BRME1: variants seen among roughly 807,000 people sequenced by gnomAD.
BRME1 encodes break repair meiotic recombinase recruitment factor 1, also known as BRCA2 and MEILB2-associating protein 1.
Under a neutral mutation model 52.6 loss-of-function variants are expected in BRME1, and 31 were observed. That is an observed-to-expected ratio of 0.59 (90% CI 0.44 to 0.80). The LOEUF (loss-of-function observed/expected upper bound fraction) is 0.80. BRME1 is among the 30% of genes least tolerant of loss of function. BRME1 has a pLI of 0.00. For synonymous variants in BRME1, 359 were observed against 353.6 expected, an observed-to-expected ratio of 1.02 and a Z score of -0.17; for missense variants, 804 against 860.3, an observed-to-expected ratio of 0.93 and a Z score of 0.82.
chr19:13,901,551 T>C lies in BRME1; in HGVS notation c.31+3311A>G, dbSNP rs535888970. Among the ~76,000 whole-genome samples, 33 of 151,668 alleles carry C rather than the reference T, an allele frequency of 2.2e-4. No individual in the cohort carries two copies. In the South Asian group the frequency reaches 6.7e-3, roughly 31 times the overall value. ...CCGTCTCTACTAAAAATGCAAAAAT[T>C]TGCCAGGCATGGTGGCAGGTACCTG... On this transcript the variant is annotated intron_variant, in intron 2 of 8. Coordinates refer to ENST00000586783, the MANE Select transcript of BRME1 (RefSeq NM_001345843.2).
Position 13,889,935 on chromosome 19 carries a change from G to T in BRME1, c.921C>A (p.Gly307=). Residue 307 remains glycine, a synonymous_variant, in exon 6 of 9, where the codon GGC becomes GGA. Coordinates refer to ENST00000586783, the MANE Select transcript of BRME1 (RefSeq NM_001345843.2). ...TGGGGGTCTGCTGGGGGTCAGGGGA[G>T]CCCTGGGCCACAGACCCGGGTTCCA... ...WCLEPGSVAQ[G]SPDPQQTPSR... The T allele has an allele frequency of 1.2e-6, 2 of 1,612,588 alleles. No homozygotes were observed. Among genetic ancestry groups the T allele is most frequent in the Non-Finnish European group, 8.5e-7 (1 of 1,179,952 alleles).
Position 13,890,340 on chromosome 19 carries a change from A to C in BRME1, c.516T>G (p.Pro172=), listed in dbSNP as rs747000381. Residue 172 remains proline, a synonymous_variant, in exon 6 of 9, where the codon CCT becomes CCG. Coordinates refer to ENST00000586783, the MANE Select transcript of BRME1 (RefSeq NM_001345843.2). ...GCACAGGGCTCTGGCTGCTCTGCTC[A>C]GGGCGGGCACTGTCTGCCTGCGTTG... ...GDPTQADSAR[P]EQSSQSPVQA... The C allele has an allele frequency of 6.3e-7, 1 of 1,593,046 alleles. No homozygotes were observed. Among genetic ancestry groups the C allele is most frequent in the Admixed American group, 1.7e-5 (1 of 57,916 alleles).
In BRME1 at chr19:13,882,727, C is replaced by T. The variant is rs1968718075; in HGVS notation, c.*75G>A. Reference sequence around the variant, plus strand: ...GGGAGGTTTGTAGGGTCCACTAGGACCCCCTGGAGCATCTTGGAGGAGGTC... The same window carrying T: ...GGGAGGTTTGTAGGGTCCACTAGGATCCCCTGGAGCATCTTGGAGGAGGTC... On this transcript the variant is annotated 3_prime_UTR_variant, in exon 9 of 9. Coordinates refer to ENST00000586783, the MANE Select transcript of BRME1 (RefSeq NM_001345843.2). 2.5e-6 allele frequency: 4 copies of T among 1,582,188 alleles called. No homozygotes were observed. In the Middle Eastern group the frequency reaches 5.8e-4, roughly 228 times the overall value.
intron 2 of BRME1, among the ~76,000 whole-genome samples, chr19:13,900,373 C>T (rs1389369829): frequency 2.0e-5 from 3 of 152,134 alleles, no homozygotes; most frequent in African/African-American, 4.8e-5. Context: ...GGGAGTCTAC[C>T]GCCAACAGAG....
chr19:13,889,116 G>C, intron 6 of BRME1, 72 bp downstream of exon 6: 1 of 1,387,992 alleles, frequency 7.2e-7, no homozygotes, highest in African/African-American at 1.4e-5. Flanking sequence ...ACTGCACCGA[G>C]TGAGGAGGGG....
At position 13,883,941 on chromosome 19, in the gene BRME1, C is replaced by A. The variant is rs544126220; in HGVS notation, c.1764-541G>T. On this transcript the variant is annotated intron_variant, in intron 7 of 8. Coordinates refer to ENST00000586783, the MANE Select transcript of BRME1 (RefSeq NM_001345843.2). The surrounding 1 kb of genome is among the most constrained non-coding windows in gnomAD (Gnocchi z 4.2). ...CCGCTGCCTTTTTTTCCCCAACACT[C>A]TGCCATCTGACTATCTAATCTGCTG... 5.3e-5 allele frequency among the ~76,000 whole-genome samples: 8 copies of A among 152,214 alleles called. No individual in the cohort carries two copies. The East Asian group carries it at 1.5e-3, about 29-fold the overall frequency.
intron 2 of BRME1, among the ~76,000 whole-genome samples, chr19:13,896,703 T>G (rs1969927052): frequency 6.6e-6 from 1 of 150,590 alleles, no homozygotes; most frequent in African/African-American, 2.4e-5. Flanking sequence ...TATTTTTTCT[T>G]TTTTTAAGAC....
chr19:13,889,853 C>A lies in BRME1; in HGVS notation c.1003G>T (p.Gly335Trp), dbSNP rs371728800. 295 of 1,613,264 alleles carry A rather than the reference C, an allele frequency of 1.8e-4. 1 individual carries two copies. Among genetic ancestry groups the A allele is most frequent in the South Asian group, 6.3e-4 (57 of 91,090 alleles). ...CTCAGGTCTGCGATGACAACCATCC[C>A]GAGGGAGGAGCATCCCAGGCTGCTA... ...THSSLGCSSL[G>W]MVVIADLSTD... is the part of the protein sequence containing the mutation. Residue 335 changes from glycine to tryptophan, a missense_variant, in exon 6 of 9, where the codon GGG becomes TGG. Physicochemically the swap from Gly to Trp is radical, Grantham distance 184. This residue lies in a region of BRME1 where 552 missense variants were observed against 561.1 expected (regional missense o/e 0.98). Coordinates refer to ENST00000586783, the MANE Select transcript of BRME1 (RefSeq NM_001345843.2).
chr19:13,883,137 T>C lies in BRME1; in HGVS notation c.1856+171A>G, dbSNP rs1197591131. Among the ~76,000 whole-genome samples the C allele has an allele frequency of 1.3e-5, 2 of 151,806 alleles. No homozygotes were observed. The highest frequency in any genetic ancestry group is 2.9e-5 in the Non-Finnish European group (2 of 67,970). The stretch of plus-strand genomic sequence containing the variant: ...CCTGTTGCAGCCTTTCTTCAGAGCC[T>C]GTGTTCTGCAAAGGACGGGGGAGGG... On this transcript the variant is annotated intron_variant, in intron 8 of 8. Coordinates refer to ENST00000586783, the MANE Select transcript of BRME1 (RefSeq NM_001345843.2). The surrounding 1 kb of genome is among the most constrained non-coding windows in gnomAD (Gnocchi z 4.2).
Position 13,890,205 on chromosome 19 carries a change from G to T in BRME1, c.651C>A (p.Ala217=), listed in dbSNP as rs200089068. Residue 217 remains alanine (A), a synonymous_variant, in exon 6 of 9, where the codon GCC becomes GCA. Coordinates refer to ENST00000586783, the MANE Select transcript of BRME1 (RefSeq NM_001345843.2). ...ASQDHLSEQG[A]DDSKPETDRV... ...TGTCTGTCTCAGGCTTGCTGTCATC[G>T]GCCCCTTGTTCTGACAGGTGGTCTT... 2 of 1,614,152 alleles carry T rather than the reference G, an allele frequency of 1.2e-6. No individual in the cohort carries two copies. The highest frequency in any genetic ancestry group is 1.7e-6 in the Non-Finnish European group (2 of 1,180,038).
In BRME1 at chr19:13,895,534, C is replaced by A; in HGVS notation, c.44G>T (p.Cys15Phe). Residue 15 changes from cysteine to phenylalanine, a missense_variant, in exon 3 of 9, where the codon TGT becomes TTT. Coordinates refer to ENST00000586783, the MANE Select transcript of BRME1 (RefSeq NM_001345843.2). ...TGGGTTCTTTAGGGGTTTTGGAGGA[C>A]AGAGTCCCTCTCCTGTTTTAGAGAC... is the stretch of plus-strand genomic sequence containing the variant. ...KKLRTSGEGLCPPKPLKNPRL... is the reference protein window; with the variant it reads ...KKLRTSGEGLFPPKPLKNPRL... The A allele has an allele frequency of 6.2e-7, 1 of 1,613,052 alleles. No individual in the cohort carries two copies. The highest frequency in any genetic ancestry group is 8.5e-7 in the Non-Finnish European group (1 of 1,179,534).
chr19:13,903,673 C>CAAA (rs35662610), intron 2 of BRME1, among the ~76,000 whole-genome samples: 4 of 128,228 alleles, frequency 3.1e-5, no homozygotes, highest in East Asian at 2.2e-4. Flanking sequence ...ACTTGGTCTC[C>CAAA]AAAAAAAAAA....
chr19:13,891,302 A>T (rs1969485892), intron 5 of BRME1, among the ~76,000 whole-genome samples: 2 of 151,692 alleles, frequency 1.3e-5, no homozygotes, highest in South Asian at 2.1e-4. Context: ...GGCTCGCGCC[A>T]CCATGCCCGG....
rs757822239 is a variant in BRME1, at chr19:13,893,226, A to G, written c.207-3T>C. ...ATCCTGTTTCCTCATCAGGGGAGCT[A>G]TGTAGGAAAAGATAAAACTGAAGGA... On this transcript the variant is annotated splice_region_variant and splice_polypyrimidine_tract_variant and intron_variant, in intron 3 of 8. Coordinates refer to ENST00000586783, the MANE Select transcript of BRME1 (RefSeq NM_001345843.2). 77 of 1,575,856 alleles carry G rather than the reference A, an allele frequency of 4.9e-5. No homozygotes were observed. In the South Asian group the frequency reaches 8.9e-4, roughly 18 times the overall value.
chr19:13,904,953 C>G, intron 1 of BRME1, 40 bp from the exon 2 acceptor site: 1 of 1,528,648 alleles, frequency 6.5e-7, no homozygotes, highest in Non-Finnish European at 9.1e-7. Context: ...TAAGCAGTCT[C>G]TGTCTCTGTT....
intron 8 of BRME1, 47 bp from the exon 9 acceptor site, chr19:13,882,999 G>T (rs758419406): frequency 1.8e-5 from 28 of 1,589,450 alleles, no homozygotes; most frequent in Middle Eastern, 2.2e-4. Flanking sequence ...TGGTCACCAG[G>T]TGACAGAGGG....
rs907904775 is a variant in BRME1 at position 13,889,815 on chromosome 19, A to G, written c.1041T>C (p.Thr347=). 1.9e-6 allele frequency: 3 copies of G among 1,613,088 alleles called. No individual in the cohort carries two copies. Among genetic ancestry groups the G allele is most frequent in the African/African-American group, 2.7e-5 (2 of 75,060 alleles). Reference sequence around the variant, plus strand: ...CCTCCAGAGCCCTCTCTTCCAGCTCAGTGGGGTCTGTGCTCAGGTCTGCGA... The same window carrying G: ...CCTCCAGAGCCCTCTCTTCCAGCTCGGTGGGGTCTGTGCTCAGGTCTGCGA... ...VVIADLSTDP[T]ELEERALEVA... The change falls in exon 6 of 9, where the codon ACT becomes ACC. Residue 347 remains threonine, a synonymous_variant. Transcript: ENST00000586783.
chr19:13,884,311 G>A (rs573232460), intron 7 of BRME1, among the ~76,000 whole-genome samples: 1 of 152,158 alleles, frequency 6.6e-6, no homozygotes, highest in East Asian at 1.9e-4. Context: ...ACCAGCCTGG[G>A]CAACAGAGCA....
At position 13,888,434 on chromosome 19, in the gene BRME1, C is replaced by T. The variant is rs1216434755; in HGVS notation, c.1668+754G>A. On this transcript the variant is annotated intron_variant, in intron 6 of 8. Transcript: ENST00000586783. The surrounding 1 kb of genome is among the most constrained non-coding windows in gnomAD (Gnocchi z 4.1). ...AGTGTGTGGACAGAGAACTGCCTAC[C>T]TCCCTGGGCGTGACTGTGATGCCCT... 6.6e-6 allele frequency: 1 copy of T among 152,316 alleles called. No homozygotes were observed. The highest frequency in any genetic ancestry group is 1.9e-4 in the East Asian group (1 of 5,192). The allele number at this position is 152,316 out of a possible 1,614,324, so 9.4% of individuals were successfully genotyped here. A position where few individuals can be genotyped will look rare whatever the true frequency, so the allele number is the denominator to read the frequency against.
Sources: allele counts gnomAD v4.1 joint callset (sites outside exome capture counted in the v4.1 genomes callset), GRCh38; gene constraint gnomAD v4.1.1; regional missense constraint gnomAD v4.1.1; non-coding constraint Gnocchi (gnomAD v3.1); transcripts MANE v1.5; gene names NCBI Gene and HGNC (gene_info 2026-07-23, HGNC 2026-07-21).